The following SPOCK3 variants were observed in gnomAD, a reference collection of about 807,000 sequenced individuals.
SPOCK3 encodes the protein SPARC (osteonectin), cwcv and kazal like domains proteoglycan 3.
SPOCK3 carries 30 observed loss-of-function variants against 56.6 expected under a neutral mutation model. The ratio of observed to expected loss-of-function variants is 0.53; its 90% CI spans 0.40 to 0.72. SPOCK3 has a LOEUF of 0.72. Among genes scored for constraint, SPOCK3 ranks in the 30% least tolerant of loss-of-function variants. SPOCK3 has a pLI of 0.00. For missense variants in SPOCK3, 527 were observed against 530.0 expected (o/e 0.99, Z 0.06); for synonymous variants, 196 against 183.3 (o/e 1.07, Z -0.56).
chr4:167,186,618 ACT>A (rs893711907), intron 2 of SPOCK3, among the ~76,000 whole-genome samples: 2 of 150,912 alleles, frequency 1.3e-5, no homozygotes, highest in Non-Finnish European at 3.0e-5. Context: ...CAAGAGCAAA[ACT>A]CTGTCTCAAA....
intron 2 of SPOCK3, among the ~76,000 whole-genome samples, chr4:167,220,536 C>T (rs1735810633): frequency 6.6e-6 from 1 of 151,094 alleles, no homozygotes; most frequent in Admixed American, 6.6e-5. Flanking sequence ...TGCCACCACA[C>T]ACAGCTAATT....
intron 7 of SPOCK3, among the ~76,000 whole-genome samples, chr4:166,781,963 T>A (rs912120699): frequency 3.4e-4 from 51 of 152,178 alleles, no homozygotes; most frequent in African/African-American, 1.2e-3. Context: ...GAATATTTTT[T>A]AAGTTTTCTG....
Position 166,735,080 on chromosome 4 carries a change from A to T in SPOCK3, c.1143T>A (p.Phe381Leu). Reference protein sequence around the residue: ...INGVADCAIDFEISGDFASGD... With the variant: ...INGVADCAIDLEISGDFASGD... ...CACTAGCAAAATCTCCGGAGATCTC[A>T]AAATCTATAGCTTAAAACAAGTGAA... Residue 381 changes from phenylalanine (F) to leucine (L), a missense_variant, in exon 11 of 11, where the codon TTT (phenylalanine) becomes TTA (leucine). Transcript: ENST00000357545. 6.2e-7 allele frequency: 1 copy of T among 1,600,702 alleles called. No individual in the cohort carries two copies.
chr4:166,828,535 G>C (rs1745710402), intron 6 of SPOCK3, among the ~76,000 whole-genome samples: 1 of 151,822 alleles, frequency 6.6e-6, no homozygotes, highest in South Asian at 2.1e-4. Flanking sequence ...ACCCAGAGTT[G>C]TCTCACAGTT....
chr4:166,977,960 C>T (rs549146867), intron 4 of SPOCK3, among the ~76,000 whole-genome samples: 19 of 152,244 alleles, frequency 1.2e-4, no homozygotes, highest in African/African-American at 4.1e-4. Context: ...CCAAGTCTAG[C>T]CATGATTCAA....
At chr4:166,973,330 G>A (rs1745594429) in intron 4 of SPOCK3, among the ~76,000 whole-genome samples, 1 of 152,074 alleles carries the variant, frequency 6.6e-6, no homozygotes, top group Admixed American at 6.6e-5. Context: ...TCAGTCTCAG[G>A]TAGTATCTTT....
At chr4:166,837,482 A>G (rs995664982) in intron 6 of SPOCK3, among the ~76,000 whole-genome samples, 25 of 152,076 alleles carry the variant, frequency 1.6e-4, no homozygotes, top group African/African-American at 6.0e-4. Context: ...ATAGCTTTTT[A>G]CTGCTTGCTC....
intron 2 of SPOCK3, among the ~76,000 whole-genome samples, chr4:167,154,031 A>C (rs554942727): frequency 6.6e-6 from 1 of 152,246 alleles, no homozygotes; most frequent in East Asian, 1.9e-4. Flanking sequence ...CTCTCTGTTA[A>C]GGATCACGTA....
chr4:166,848,024 A>G (rs1748283602), intron 6 of SPOCK3, among the ~76,000 whole-genome samples: 1 of 152,146 alleles, frequency 6.6e-6, no homozygotes, highest in African/African-American at 2.4e-5. Flanking sequence ...CAAGTTTCCT[A>G]CAAATTACAC....
At chr4:167,160,924 C>T (rs1023531656) in intron 2 of SPOCK3, among the ~76,000 whole-genome samples, 33 of 152,172 alleles carry the variant, frequency 2.2e-4, no homozygotes, top group African/African-American at 7.2e-4. Flanking sequence ...AATGTTAGAC[C>T]TAAAACCATA....
In SPOCK3 at chr4:167,123,744, T is replaced by C. The variant is rs966906272; in HGVS notation, c.190-61207A>G. Among the ~76,000 whole-genome samples the C allele has an allele frequency of 1.7e-4, 25 of 149,094 alleles. No individual in the cohort carries two copies. The East Asian group carries it at 2.3e-3, about 14-fold the overall frequency. On this transcript the variant is annotated intron_variant, in intron 2 of 10. Transcript: ENST00000357545. The stretch of plus-strand genomic sequence containing the variant: ...CTCCAACAAGACATTTCTTTTCTTT[T>C]TTTTTTTTTTTTTTTTTAAGACTGA...
At chr4:166,942,418 C>T (rs1408903515) in intron 4 of SPOCK3, among the ~76,000 whole-genome samples, 3 of 150,554 alleles carry the variant, frequency 2.0e-5, no homozygotes, top group African/African-American at 7.3e-5. Context: ...ATCGTGATGG[C>T]CAGGATGGTC....
chr4:166,802,084 T>G (rs1304571971), intron 6 of SPOCK3, among the ~76,000 whole-genome samples: 1 of 151,920 alleles, frequency 6.6e-6, no homozygotes, highest in Non-Finnish European at 1.5e-5. Context: ...TCCATCACTG[T>G]CTTGAGGTAG....
intron 4 of SPOCK3, among the ~76,000 whole-genome samples, chr4:166,947,568 C>T (rs1741926760): frequency 6.6e-6 from 1 of 151,908 alleles, no homozygotes; most frequent in Non-Finnish European, 1.5e-5. Context: ...GTTGCTATTC[C>T]AATTACAGTA....
At chr4:167,216,166 A>AATCACATGATCTCCCTCT (rs144235150) in intron 2 of SPOCK3, among the ~76,000 whole-genome samples, 101 of 152,232 alleles carry the variant, frequency 6.6e-4, no homozygotes, top group Admixed American at 1.2e-3. Context: ...TAGACTTAGG[A>AATCACATGATCTCCCTCT]ATCACATGAT....
At chr4:166,811,106 T>C (rs1024920199) in intron 6 of SPOCK3, among the ~76,000 whole-genome samples, 7 of 151,894 alleles carry the variant, frequency 4.6e-5, no homozygotes, top group African/African-American at 1.7e-4. Context: ...TAAACGATTA[T>C]TCATTTGTGC....
chr4:166,900,169 A>G (rs1040302840), intron 5 of SPOCK3, among the ~76,000 whole-genome samples: 1 of 152,110 alleles, frequency 6.6e-6, no homozygotes, highest in African/African-American at 2.4e-5. Flanking sequence ...TGACAGCATC[A>G]CTGTACCGTT....
At position 167,015,374 on chromosome 4, in the gene SPOCK3, C is replaced by T. The variant is rs371818684; in HGVS notation, c.236-14911G>A. ...TTTGTAAAACCAATAATAATACTGG[C>T]TAAAGTTACAACTTAATAGAATTTA... On this transcript the variant is annotated intron_variant, in intron 3 of 10. Transcript: ENST00000357545. Among the ~76,000 whole-genome samples, 14 of 152,202 alleles carry T rather than the reference C, an allele frequency of 9.2e-5. 1 individual carries two copies. The highest frequency in any genetic ancestry group is 3.4e-4 in the African/African-American group (14 of 41,552).
At chr4:167,231,812 G>GT (rs1737204902) in intron 2 of SPOCK3, among the ~76,000 whole-genome samples, 2 of 152,034 alleles carry the variant, frequency 1.3e-5, no homozygotes, top group East Asian at 1.9e-4. Flanking sequence ...TGGTTCAAGG[G>GT]TAAAAAATGA....
Sources: gnomAD v4.1 joint callset for allele counts (sites outside exome capture counted in the v4.1 genomes callset) on GRCh38, gnomAD v4.1.1 for gene constraint, MANE v1.5 for transcripts, NCBI Gene and HGNC (gene_info 2026-07-23, HGNC 2026-07-21) for gene names.